The following CHRM2 variants were observed in gnomAD, a reference collection of about 807,000 sequenced individuals.
The protein encoded by CHRM2 is cholinergic receptor muscarinic 2.
In CHRM2, 8 loss-of-function variants were observed where a neutral mutation model predicts 25.0. The observed-to-expected ratio is 0.32, with a 90% CI of 0.19 to 0.58. CHRM2 has a LOEUF of 0.58. Ranked by LOEUF, CHRM2 falls within the 20% of genes least tolerant of loss-of-function variation. CHRM2 has a pLI of 0.88. For missense variants in CHRM2, 440 were observed against 567.1 expected (o/e 0.78, Z 2.28); for synonymous variants, 202 against 205.7 (o/e 0.98, Z 0.15).
intron 3 of CHRM2, among the ~76,000 whole-genome samples, chr7:137,008,012 A>C (rs146760024): frequency 0.018 from 2,772 of 152,222 alleles, 98 homozygotes; most frequent in African/African-American, 0.063. Context: ...GATTAACTGA[A>C]TATTAAAAGA....
chr7:136,946,364 G>A (rs1800073732), intron 2 of CHRM2, among the ~76,000 whole-genome samples: 1 of 152,184 alleles, frequency 6.6e-6, no homozygotes, highest in South Asian at 2.1e-4. Context: ...TAGGCACTCT[G>A]CCGAGTAGTA....
At position 136,993,951 on chromosome 7, in the gene CHRM2, A is replaced by G. The variant is rs75682321; in HGVS notation, c.-47+1687A>G. Among the ~76,000 whole-genome samples the G allele has an allele frequency of 5.1e-3, 784 of 152,360 alleles. 11 individuals carry two copies. Among genetic ancestry groups the G allele is most frequent in the African/African-American group, 0.018 (747 of 41,578 alleles). On this transcript the variant is annotated intron_variant, in intron 3 of 3. Coordinates refer to ENST00000680005, the MANE Select transcript of CHRM2 (RefSeq NM_001006630.2). Reference sequence around the variant, plus strand: ...CTCGTACATTCAATGATAAATAAATAAGAAAATAAATAAACCGATGTGACT... The same window carrying G: ...CTCGTACATTCAATGATAAATAAATGAGAAAATAAATAAACCGATGTGACT...
intron 2 of CHRM2, among the ~76,000 whole-genome samples, chr7:136,912,107 T>C (rs534540683): frequency 1.7e-4 from 26 of 152,042 alleles, no homozygotes; most frequent in African/African-American, 6.3e-4. Flanking sequence ...CTTCATATGG[T>C]TGTCTTTTTA....
intron 2 of CHRM2, among the ~76,000 whole-genome samples, chr7:136,920,638 T>C (rs1246647922): frequency 2.6e-5 from 4 of 152,188 alleles, no homozygotes; most frequent in African/African-American, 9.6e-5. Context: ...TAAGCATGTG[T>C]AAACCATATT....
At chr7:136,960,410 G>A (rs1336361044) in intron 2 of CHRM2, among the ~76,000 whole-genome samples, 1 of 152,172 alleles carries the variant, frequency 6.6e-6, no homozygotes, top group Admixed American at 6.5e-5. Flanking sequence ...GCTAGACACT[G>A]GGGAAGGAGA....
chr7:136,919,116 T>C (rs1798282848), intron 2 of CHRM2, among the ~76,000 whole-genome samples: 1 of 152,110 alleles, frequency 6.6e-6, no homozygotes, highest in Non-Finnish European at 1.5e-5. Flanking sequence ...CTAAGACATG[T>C]TATAATATTT....
intron 2 of CHRM2, among the ~76,000 whole-genome samples, chr7:136,980,219 A>G (rs1416145304): frequency 6.6e-6 from 1 of 152,138 alleles, no homozygotes; most frequent in Non-Finnish European, 1.5e-5. Flanking sequence ...TGTGAATGGG[A>G]GTTCACTCAT....
chr7:136,900,671 G>A (rs1185798184), intron 2 of CHRM2, among the ~76,000 whole-genome samples: 1 of 151,994 alleles, frequency 6.6e-6, no homozygotes. Context: ...GCACAGAATT[G>A]CTCGTCTCAT....
chr7:136,930,446 A>G (rs566920071), intron 2 of CHRM2, among the ~76,000 whole-genome samples: 2 of 152,282 alleles, frequency 1.3e-5, no homozygotes, highest in Non-Finnish European at 2.9e-5. Context: ...CACAATCTTC[A>G]GTGTAATAAA....
Position 136,894,434 on chromosome 7 carries a change from C to T in CHRM2, c.-125+25016C>T, listed in dbSNP as rs574979975. On this transcript the variant is annotated intron_variant, in intron 2 of 3. Coordinates refer to ENST00000680005, the MANE Select transcript of CHRM2 (RefSeq NM_001006630.2). Reference sequence around the variant, plus strand: ...TTACCCAGGCTGGACTGCAGTGGTGCGATCTCGGCTCACTGCAACTTCTGC... The same window carrying T: ...TTACCCAGGCTGGACTGCAGTGGTGTGATCTCGGCTCACTGCAACTTCTGC... 1.2e-3 allele frequency among the ~76,000 whole-genome samples: 178 copies of T among 152,152 alleles called. 1 individual carries two copies. The highest frequency in any genetic ancestry group is 2.0e-3 in the Non-Finnish European group (139 of 67,996).
intron 2 of CHRM2, among the ~76,000 whole-genome samples, chr7:136,911,152 A>T (rs1797823182): frequency 6.6e-6 from 1 of 151,922 alleles, no homozygotes; most frequent in South Asian, 2.1e-4. Flanking sequence ...GTTGGGTTTC[A>T]GCAATGATAT....
intron 2 of CHRM2, among the ~76,000 whole-genome samples, chr7:136,984,317 C>T (rs1208973503): frequency 6.6e-6 from 1 of 152,172 alleles, no homozygotes; most frequent in African/African-American, 2.4e-5. Context: ...CCCAGGTGGA[C>T]TTCAGACTGC....
intron 2 of CHRM2, among the ~76,000 whole-genome samples, chr7:136,913,567 C>A (rs1797956373): frequency 6.6e-6 from 1 of 151,848 alleles, no homozygotes; most frequent in Non-Finnish European, 1.5e-5. Context: ...ACCTAATAAC[C>A]AATACCTAAT....
intron 2 of CHRM2, among the ~76,000 whole-genome samples, chr7:136,897,160 G>A (rs558952023): frequency 3.8e-4 from 57 of 151,432 alleles, no homozygotes; most frequent in Admixed American, 2.6e-4. Context: ...GACATAGAGA[G>A]AAGTTAGGTT....
intron 3 of CHRM2, among the ~76,000 whole-genome samples, chr7:136,994,111 G>A (rs1226242367): frequency 6.6e-6 from 1 of 152,104 alleles, no homozygotes; most frequent in Non-Finnish European, 1.5e-5. Context: ...CTCTCTGATT[G>A]TACCTGCTCT....
At chr7:136,946,614 C>T (rs1172332432) in intron 2 of CHRM2, among the ~76,000 whole-genome samples, 2 of 152,134 alleles carry the variant, frequency 1.3e-5, no homozygotes, top group African/African-American at 2.4e-5. Context: ...TTTTAATACA[C>T]TCCCAATACA....
chr7:136,907,734 T>G (rs1797630854), intron 2 of CHRM2: 2 of 151,934 alleles, frequency 1.3e-5, no homozygotes. Flanking sequence ...AAAAAAAATC[T>G]TATTCCTGTA....
At chr7:136,949,228 A>C (rs1800245157) in intron 2 of CHRM2, among the ~76,000 whole-genome samples, 1 of 152,180 alleles carries the variant, frequency 6.6e-6, no homozygotes, top group African/African-American at 2.4e-5. Context: ...TCCAAAATTT[A>C]GAGATAAGTA....
intron 2 of CHRM2, among the ~76,000 whole-genome samples, chr7:136,935,366 G>A (rs957842980): frequency 6.6e-6 from 1 of 152,098 alleles, no homozygotes; most frequent in Non-Finnish European, 1.5e-5. Flanking sequence ...CCAGAATTTG[G>A]GTGAGTACAC....
Sources: gnomAD v4.1 joint callset for allele counts (sites outside exome capture counted in the v4.1 genomes callset) on GRCh38, gnomAD v4.1.1 for gene constraint, MANE v1.5 for transcripts, NCBI Gene and HGNC (gene_info 2026-07-23, HGNC 2026-07-21) for gene names.